The following KCNN3 variants were observed in gnomAD, a reference collection of about 807,000 sequenced individuals.
KCNN3 encodes small conductance calcium-activated potassium channel protein 3.
A neutral mutation model predicts 62.9 loss-of-function variants in KCNN3; 16 were observed. The observed-to-expected ratio is 0.25, with a 90% CI of 0.17 to 0.39. The LOEUF (loss-of-function observed/expected upper bound fraction) is 0.39, where lower values mean the gene tolerates loss of function less well. KCNN3 is among the 10% of genes least tolerant of loss of function. KCNN3 has a pLI of 1.00. For missense variants in KCNN3, 599 were observed against 949.4 expected (o/e 0.63, Z 4.85); for synonymous variants, 370 against 389.2 (o/e 0.95, Z 0.58).
intron 1 of KCNN3, among the ~76,000 whole-genome samples, chr1:154,848,052 G>A (rs142845690): frequency 1.4e-3 from 209 of 152,238 alleles, no homozygotes; most frequent in African/African-American, 4.6e-3. Flanking sequence ...ACCTCCTTTG[G>A]GCCTGGCCAG....
intron 2 of KCNN3, among the ~76,000 whole-genome samples, chr1:154,780,355 C>G (rs1332835899): frequency 2.7e-5 from 4 of 150,744 alleles, no homozygotes; most frequent in South Asian, 4.2e-4. Context: ...GGGAGGAGAG[C>G]GTATTCCTGC....
At chr1:154,844,063 G>T (rs947942102) in intron 1 of KCNN3, among the ~76,000 whole-genome samples, 18 of 152,214 alleles carry the variant, frequency 1.2e-4, no homozygotes, top group Non-Finnish European at 2.2e-4. Context: ...ACCAGCAGGG[G>T]CTTGCAGAAG....
chr1:154,752,807 C>T (rs2101815673), intron 3 of KCNN3, among the ~76,000 whole-genome samples: 1 of 151,610 alleles, frequency 6.6e-6, no homozygotes, highest in East Asian at 1.9e-4. Context: ...CTCTTGGCCT[C>T]AGTTTTTCCA....
intron 7 of KCNN3, among the ~76,000 whole-genome samples, chr1:154,708,795 C>T (rs1700016429): frequency 6.6e-6 from 1 of 152,146 alleles, no homozygotes; most frequent in Non-Finnish European, 1.5e-5. Context: ...TAACTGTACA[C>T]AGTTAGGAGT....
At position 154,702,702 on chromosome 1, in the gene KCNN3, TATATATATATA is replaced by T. The variant is rs1169014437; in HGVS notation, c.*5263_*5273del. 4.8e-4 allele frequency: 1 copy of T among 2,086 alleles called. No homozygotes were observed. The highest frequency in any genetic ancestry group is 1.2e-3 in the African/African-American group (1 of 856). The allele number at this position is 2,086 out of a possible 1,614,324, so 0.1% of individuals were successfully genotyped here. On this transcript the variant is annotated 3_prime_UTR_variant, in exon 8 of 8. Coordinates refer to ENST00000271915, the MANE Select transcript of KCNN3 (RefSeq NM_002249.6). ...GTTGGCTGCTTCGATCTGATTCAGA[TATATATATATA>T]TATATATATATATATATATATATAT... is the stretch of plus-strand genomic sequence containing the variant.
chr1:154,759,308 C>T (rs774917011), intron 3 of KCNN3, among the ~76,000 whole-genome samples: 8 of 152,190 alleles, frequency 5.3e-5, no homozygotes, highest in Non-Finnish European at 8.8e-5. Flanking sequence ...AGCTGAGGTG[C>T]CCGTCCTTTG....
At position 154,862,303 on chromosome 1, in the gene KCNN3, G is replaced by C. The variant is rs191981643; in HGVS notation, c.933+6729C>G. On this transcript the variant is annotated intron_variant, in intron 1 of 7. Coordinates refer to ENST00000271915, the MANE Select transcript of KCNN3 (RefSeq NM_002249.6). This position sits in a 1 kb window ranked among gnomAD's most constrained non-coding sequence, Gnocchi z 4.1. Reference sequence around the variant, plus strand: ...CATCATGAGCCCTGGGCCAGCCACCGTGAGGGTCATGAGGGACCCAGGGGT... The same window carrying C: ...CATCATGAGCCCTGGGCCAGCCACCCTGAGGGTCATGAGGGACCCAGGGGT... Among the ~76,000 whole-genome samples, 309 of 152,276 alleles carry C rather than the reference G, an allele frequency of 2.0e-3. 1 individual carries two copies. Among genetic ancestry groups the C allele is most frequent in the African/African-American group, 7.1e-3 (294 of 41,548 alleles).
intron 2 of KCNN3, among the ~76,000 whole-genome samples, chr1:154,799,143 C>G (rs1293866811): frequency 6.6e-6 from 1 of 152,126 alleles, no homozygotes; most frequent in Non-Finnish European, 1.5e-5. Context: ...TCTCGAACTC[C>G]TGACTTCAAG....
intron 5 of KCNN3, among the ~76,000 whole-genome samples, chr1:154,722,564 A>T (rs1700377640): frequency 6.9e-6 from 1 of 145,356 alleles, no homozygotes; most frequent in Non-Finnish European, 1.5e-5. Flanking sequence ...ATTTTTTTGG[A>T]TTTTTTTTTA....
intron 2 of KCNN3, among the ~76,000 whole-genome samples, chr1:154,792,286 G>A (rs1403724990): frequency 6.6e-6 from 1 of 152,152 alleles, no homozygotes; most frequent in Non-Finnish European, 1.5e-5. Flanking sequence ...CCCTCTAATT[G>A]GGATCATATT....
intron 2 of KCNN3, among the ~76,000 whole-genome samples, chr1:154,780,004 C>T (rs1353486789): frequency 2.0e-5 from 3 of 152,088 alleles, no homozygotes; most frequent in Non-Finnish European, 4.4e-5. Flanking sequence ...CATCTGGACA[C>T]CTCAGGACAG....
intron 3 of KCNN3, among the ~76,000 whole-genome samples, chr1:154,751,410 G>A (rs535812470): frequency 1.1e-4 from 16 of 152,258 alleles, no homozygotes; most frequent in Admixed American, 7.8e-4. Flanking sequence ...GTGGCATCCC[G>A]TGCAGACAAG....
Position 154,814,771 on chromosome 1 carries a change from C to T in KCNN3, c.1029+7318G>A, listed in dbSNP as rs1457694144. ...TTCCATGGTGTTCTGACTTCTCGGG[C>T]CCAGTTGGTGGTGTAGCTCCTCTCT... is the stretch of plus-strand genomic sequence containing the variant. On this transcript the variant is annotated intron_variant, in intron 2 of 7. Coordinates refer to ENST00000271915, the MANE Select transcript of KCNN3 (RefSeq NM_002249.6). 2.0e-5 allele frequency among the ~76,000 whole-genome samples: 3 copies of T among 152,228 alleles called. No homozygotes were observed. In the East Asian group the frequency reaches 5.8e-4, roughly 29 times the overall value.
At chr1:154,820,956 C>G (rs1650866581) in intron 2 of KCNN3, among the ~76,000 whole-genome samples, 1 of 152,238 alleles carries the variant, frequency 6.6e-6, no homozygotes, top group African/African-American at 2.4e-5. Flanking sequence ...GTCCGCACTG[C>G]TGCTCCACCC....
At chr1:154,788,002 G>A (rs1649359589) in intron 2 of KCNN3, among the ~76,000 whole-genome samples, 1 of 152,174 alleles carries the variant, frequency 6.6e-6, no homozygotes, top group African/African-American at 2.4e-5. Flanking sequence ...GTCTTAGATT[G>A]GGTCAGGAGG....
chr1:154,867,590 T>C (rs1352701032), intron 1 of KCNN3, among the ~76,000 whole-genome samples: 2 of 151,612 alleles, frequency 1.3e-5, no homozygotes, highest in Non-Finnish European at 2.9e-5. Context: ...ACCTCCTAGG[T>C]TTTTGCGGCT....
intron 1 of KCNN3, among the ~76,000 whole-genome samples, chr1:154,863,351 T>C (rs973340076): frequency 2.0e-5 from 3 of 152,164 alleles, no homozygotes; most frequent in Non-Finnish European, 2.9e-5. Context: ...TTCCCCACCC[T>C]CATTATTTAA....
At chr1:154,866,132 C>T (rs1232449406) in intron 1 of KCNN3, among the ~76,000 whole-genome samples, 1 of 152,174 alleles carries the variant, frequency 6.6e-6, no homozygotes, top group African/African-American at 2.4e-5. Flanking sequence ...CACCTCCCCC[C>T]AAGAATAAAC....
At chr1:154,757,662 G>A (rs1647792055) in intron 3 of KCNN3, among the ~76,000 whole-genome samples, 2 of 152,208 alleles carry the variant, frequency 1.3e-5, no homozygotes, top group Admixed American at 1.3e-4. Flanking sequence ...GAGGAAATGG[G>A]AGGATGCCTA....
Sources: allele counts gnomAD v4.1 joint callset (sites outside exome capture counted in the v4.1 genomes callset), GRCh38; gene constraint gnomAD v4.1.1; non-coding constraint Gnocchi (gnomAD v3.1); transcripts MANE v1.5; gene names NCBI Gene and HGNC (gene_info 2026-07-23, HGNC 2026-07-21).